The following NRG3 variants were observed in gnomAD, a reference collection of about 807,000 sequenced individuals.
NRG3 encodes the protein neuregulin 3.
In NRG3, 31 loss-of-function variants were observed where a neutral mutation model predicts 66.9. The ratio of observed to expected loss-of-function variants is 0.46; its 90% CI spans 0.35 to 0.63. The LOEUF (loss-of-function observed/expected upper bound fraction) is 0.63, where lower values mean the gene tolerates loss of function less well. Among genes scored for constraint, NRG3 ranks in the 20% least tolerant of loss-of-function variants. The pLI, the probability that NRG3 is intolerant of heterozygous loss-of-function variation, is 0.00. For synonymous variants in NRG3, 393 were observed against 359.4 expected, an observed-to-expected ratio of 1.09 and a Z score of -1.06; for missense variants, 910 against 878.9, an observed-to-expected ratio of 1.04 and a Z score of -0.45.
chr10:81,928,567 T>C (rs576338565), intron 1 of NRG3, among the ~76,000 whole-genome samples: 13 of 152,180 alleles, frequency 8.5e-5, no homozygotes, highest in Non-Finnish European at 1.5e-4. Context: ...TCCCAAATTA[T>C]AAAAACATGA....
rs556791035 is a variant in NRG3 at position 82,501,314 on chromosome 10, T to A, written c.953+142446T>A. Among the ~76,000 whole-genome samples, 55 of 152,288 alleles carry A rather than the reference T, an allele frequency of 3.6e-4. No homozygotes were observed. In the South Asian group the frequency reaches 0.011, roughly 31 times the overall value. On this transcript the variant is annotated intron_variant, in intron 2 of 8. Transcript: ENST00000372141. ...TATGACCCTAGTGCTTCTGCCTATG[T>A]CCTCCCTTAGGATATTTTCAGCACC...
intron 1 of NRG3, among the ~76,000 whole-genome samples, chr10:82,137,726 C>T (rs1191308095): frequency 6.6e-6 from 1 of 152,156 alleles, no homozygotes; most frequent in Admixed American, 6.5e-5. Context: ...ATTGGAGCAG[C>T]AAGAATTTGT....
intron 1 of NRG3, among the ~76,000 whole-genome samples, chr10:82,158,709 T>C (rs559154149): frequency 6.6e-6 from 1 of 152,050 alleles, no homozygotes; most frequent in South Asian, 2.1e-4. Context: ...ATGTACTTTT[T>C]CTTCACATGT....
intron 1 of NRG3, among the ~76,000 whole-genome samples, chr10:82,134,996 C>T (rs1012011108): frequency 6.6e-6 from 1 of 151,550 alleles, no homozygotes; most frequent in Non-Finnish European, 1.5e-5. Context: ...CGTGGTGGCA[C>T]ATGCCTGTAG....
At chr10:82,715,125 T>C (rs368344100) in intron 2 of NRG3, among the ~76,000 whole-genome samples, 1 of 152,164 alleles carries the variant, frequency 6.6e-6, no homozygotes, top group Non-Finnish European at 1.5e-5. Flanking sequence ...CTGGGCGTGG[T>C]GGCTCATACC....
chr10:82,932,677 C>T (rs1689241920), intron 4 of NRG3, among the ~76,000 whole-genome samples: 1 of 152,180 alleles, frequency 6.6e-6, no homozygotes, highest in African/African-American at 2.4e-5. Flanking sequence ...GCGTCTGGCA[C>T]TCCCTGAGAT....
At chr10:82,397,334 G>A (rs958731023) in intron 2 of NRG3, among the ~76,000 whole-genome samples, 1 of 152,156 alleles carries the variant, frequency 6.6e-6, no homozygotes, top group Non-Finnish European at 1.5e-5. Flanking sequence ...CCCAAATTAT[G>A]TGGATAATCT....
intron 1 of NRG3, among the ~76,000 whole-genome samples, chr10:81,930,876 T>A (rs528957909): frequency 6.6e-6 from 1 of 152,310 alleles, no homozygotes; most frequent in South Asian, 2.1e-4. Flanking sequence ...CAGATTCATC[T>A]ATAAGTTGCT....
intron 2 of NRG3, among the ~76,000 whole-genome samples, chr10:82,373,496 A>C (rs2085021740): frequency 6.6e-6 from 1 of 152,158 alleles, no homozygotes; most frequent in South Asian, 2.1e-4. Flanking sequence ...TGTGCTCCTG[A>C]AGGGCAGAAA....
chr10:82,149,642 G>A (rs971174375), intron 1 of NRG3, among the ~76,000 whole-genome samples: 2 of 151,400 alleles, frequency 1.3e-5, no homozygotes, highest in Non-Finnish European at 2.9e-5. Context: ...TGGGAACAGA[G>A]CCTAATACTT....
chr10:82,965,569 C>T (rs971789334), intron 6 of NRG3, among the ~76,000 whole-genome samples: 2 of 152,010 alleles, frequency 1.3e-5, no homozygotes, highest in African/African-American at 4.8e-5. Flanking sequence ...AACCTTGACC[C>T]TACTAAAAAT....
chr10:82,697,795 G>T (rs2055513192), intron 2 of NRG3, among the ~76,000 whole-genome samples: 1 of 152,004 alleles, frequency 6.6e-6, no homozygotes, highest in South Asian at 2.1e-4. Context: ...AAGTTGAGGG[G>T]CCTCCAGACC....
chr10:82,312,676 T>G (rs1246151610), intron 1 of NRG3, among the ~76,000 whole-genome samples: 1 of 152,176 alleles, frequency 6.6e-6, no homozygotes, highest in African/African-American at 2.4e-5. Context: ...AGCTATTAAT[T>G]GCCAAGTAGG....
chr10:82,658,262 CATT>C (rs1365332513), intron 2 of NRG3, among the ~76,000 whole-genome samples: 1 of 152,012 alleles, frequency 6.6e-6, no homozygotes, highest in East Asian at 1.9e-4. Context: ...GAAAATTAAT[CATT>C]GTAATTCAGT....
chr10:82,880,333 G>A (rs1399414422), intron 4 of NRG3, among the ~76,000 whole-genome samples: 1 of 152,052 alleles, frequency 6.6e-6, no homozygotes. Flanking sequence ...CATATTTAGA[G>A]TGCGCACGAG....
intron 2 of NRG3, among the ~76,000 whole-genome samples, chr10:82,720,856 A>G (rs1390326159): frequency 2.9e-5 from 3 of 101,752 alleles, no homozygotes; most frequent in Admixed American, 2.7e-4. Flanking sequence ...CCATCACTTG[A>G]TTAACTGAAT....
chr10:82,629,233 T>C (rs979156265), intron 2 of NRG3, among the ~76,000 whole-genome samples: 3 of 152,060 alleles, frequency 2.0e-5, no homozygotes, highest in African/African-American at 7.2e-5. Context: ...ACAGGGACTA[T>C]GAAAAATGAA....
At chr10:82,679,625 G>T (rs918587800) in intron 2 of NRG3, among the ~76,000 whole-genome samples, 1 of 152,184 alleles carries the variant, frequency 6.6e-6, no homozygotes, top group Non-Finnish European at 1.5e-5. Flanking sequence ...ACATGGTGAT[G>T]CCAGAGCATT....
At chr10:81,930,284 A>G in intron 1 of NRG3, among the ~76,000 whole-genome samples, 1 of 152,200 alleles carries the variant, frequency 6.6e-6, no homozygotes. Flanking sequence ...TCCTCGCTTC[A>G]TACTCAGAGG....
Sources: allele counts gnomAD v4.1 joint callset (sites outside exome capture counted in the v4.1 genomes callset), GRCh38; gene constraint gnomAD v4.1.1; transcripts MANE v1.5; gene names NCBI Gene and HGNC (gene_info 2026-07-23, HGNC 2026-07-21).